Variants in BRCA1 observed in about 807,000 individuals in gnomAD.
The protein encoded by BRCA1 is BRCA1 DNA repair associated.
A neutral mutation model predicts 173.7 loss-of-function variants in BRCA1; 140 were observed. That is an observed-to-expected ratio of 0.81 (90% CI 0.70 to 0.93). BRCA1 has a LOEUF of 0.93. Ranked by LOEUF, BRCA1 falls within the 40% of genes least tolerant of loss-of-function variation. The pLI is 0.00. For synonymous variants in BRCA1, 662 were observed against 756.0 expected (o/e 0.88, Z 2.04); for missense variants, 1,983 against 2,172.5 (o/e 0.91, Z 1.73).
chr17:43,115,485 G>C (rs1335888284), intron 3 of BRCA1, among the ~76,000 whole-genome samples: 1 of 146,844 alleles, frequency 6.8e-6, no homozygotes, highest in Non-Finnish European at 1.5e-5. Flanking sequence ...CTGGGCGACA[G>C]AGCGAGACTT....
Position 43,136,726 on chromosome 17 carries a change from C to A in BRCA1, c.-19-12611G>T, listed in dbSNP as rs980339472. 2.1e-4 allele frequency among the ~76,000 whole-genome samples: 32 copies of A among 152,112 alleles called. 1 individual carries two copies. The highest frequency in any genetic ancestry group is 7.7e-4 in the African/African-American group (32 of 41,414). On this transcript the variant is annotated intron_variant, in intron 1 of 7. Coordinates refer to the BRCA1 transcript ENST00000634433. ...CCATCAGAGACATGCAAATCAAAACCACAATGAGATACCATCTCACACCAG... is the reference window on the plus strand; with the variant it reads ...CCATCAGAGACATGCAAATCAAAACAACAATGAGATACCATCTCACACCAG...
At chr17:43,094,902 T>G (rs1456087761) in intron 9 of BRCA1, 42 bp from the exon 10 acceptor site, 3 of 1,544,050 alleles carry the variant, frequency 1.9e-6, no homozygotes, top group Middle Eastern at 1.7e-4. Flanking sequence ...AAAACTGAAT[T>G]GTCATTAAAA....
chr17:43,046,727 C>T (rs1370094757), intron 22 of BRCA1, among the ~76,000 whole-genome samples: 2 of 150,100 alleles, frequency 1.3e-5, no homozygotes, highest in East Asian at 4.0e-4. Flanking sequence ...TGCACTCCAG[C>T]CTGCTAAGTG....
intron 1 of BRCA1, among the ~76,000 whole-genome samples, chr17:43,155,214 G>A (rs2056189273): frequency 6.6e-6 from 1 of 151,968 alleles, no homozygotes; most frequent in South Asian, 2.1e-4. Flanking sequence ...CTGTCACCCA[G>A]GCTGGAGTGC....
chr17:43,162,769 C>G (rs2056244428), intron 1 of BRCA1: 1 of 152,146 alleles, frequency 6.6e-6, no homozygotes, highest in South Asian at 2.1e-4. Flanking sequence ...GTGGACCAGT[C>G]AGCTTCTGGG....
intron 21 of BRCA1, among the ~76,000 whole-genome samples, chr17:43,048,643 T>C (rs2051046141): frequency 6.6e-6 from 1 of 151,206 alleles, no homozygotes. Flanking sequence ...ACTTCCCAAA[T>C]AGCTGGCATT....
chr17:43,103,199 G>A (rs2054567815), intron 6 of BRCA1, among the ~76,000 whole-genome samples: 1 of 152,202 alleles, frequency 6.6e-6, no homozygotes, highest in African/African-American at 2.4e-5. Flanking sequence ...GGGCTTGGTG[G>A]CTCACGCCTG....
At chr17:43,064,825 G>A (rs1215279195) in intron 16 of BRCA1, among the ~76,000 whole-genome samples, 2 of 135,224 alleles carry the variant, frequency 1.5e-5, no homozygotes, top group African/African-American at 5.6e-5. Flanking sequence ...GATTTGATTT[G>A]CATTTTTTTT....
chr17:43,133,169 T>A (rs1205859285), intron 1 of BRCA1: 1 of 152,206 alleles, frequency 6.6e-6, no homozygotes, highest in Admixed American at 6.5e-5. Context: ...CAGGTGCCTA[T>A]GTGGGTTCCT....
chr17:43,167,925 C>CT (rs1158074093), intron 1 of BRCA1: 1 of 164,186 alleles, frequency 6.1e-6, no homozygotes, highest in Non-Finnish European at 1.3e-5. Flanking sequence ...GACAGGGTCC[C>CT]TGTCTTTCAG....
intron 6 of BRCA1, among the ~76,000 whole-genome samples, chr17:43,100,927 C>T (rs1161222995): frequency 4.0e-5 from 6 of 150,624 alleles, no homozygotes; most frequent in South Asian, 2.1e-4. Context: ...AGACAGGTTT[C>T]GCCATGTTGG....
At chr17:43,114,974 T>G (rs1265944238) in intron 3 of BRCA1, among the ~76,000 whole-genome samples, 1 of 152,172 alleles carries the variant, frequency 6.6e-6, no homozygotes, top group Non-Finnish European at 1.5e-5. Context: ...ATAAATGAAT[T>G]TTGGCCTAAA....
At chr17:43,071,913 C>T (rs1180483266) in intron 14 of BRCA1, among the ~76,000 whole-genome samples, 1 of 151,302 alleles carries the variant, frequency 6.6e-6, no homozygotes. Context: ...GAGGCTGAGG[C>T]AGGGGAATGG....
chr17:43,094,569 C>T lies in BRCA1; in HGVS notation c.962G>A (p.Trp321Ter), dbSNP rs80357292. ...PGLARSQHNR[W>*]AGSKETCNDR... The stretch of plus-strand genomic sequence containing the variant: ...ATTACATGTTTCCTTACTTCCAGCC[C>T]ATCTGTTATGTTGGCTCCTTGCTAA... Residue 321 changes from tryptophan to a stop codon, truncating the protein, a stop_gained, in exon 10 of 23, where the codon TGG (tryptophan) becomes TAG (stop). Transcript: ENST00000357654. LOFTEE classifies it high-confidence loss of function. 1.9e-6 allele frequency: 3 copies of T among 1,614,130 alleles called. No individual in the cohort carries two copies. Among genetic ancestry groups the T allele is most frequent in the Non-Finnish European group, 1.7e-6 (2 of 1,180,018 alleles).
intron 3 of BRCA1, chr17:43,110,346 G>A (rs568477212): frequency 1.9e-5 from 4 of 208,644 alleles, no homozygotes; most frequent in Middle Eastern, 2.0e-3. Context: ...TAGCACTTTG[G>A]GATGCCTAGG....
Position 43,094,148 on chromosome 17 carries a change from A to T in BRCA1, c.1383T>A (p.Phe461Leu), listed in dbSNP as rs56046357. The change falls in exon 10 of 23, where the codon TTT (phenylalanine) becomes TTA (leucine). Residue 461 changes from phenylalanine to leucine, a missense_variant. Coordinates refer to ENST00000357654, the MANE Select transcript of BRCA1 (RefSeq NM_007294.4). Reference sequence around the variant, plus strand: ...TTGCCTTCTTCCGATAGGTTTTCCCAAATATTTTGTCTTCAATATTACTCT... The same window carrying T: ...TTGCCTTCTTCCGATAGGTTTTCCCTAATATTTTGTCTTCAATATTACTCT... ...SVESNIEDKI[F>L]GKTYRKKASL... 7 of 1,613,932 alleles carry T rather than the reference A, an allele frequency of 4.3e-6. No homozygotes were observed. Among genetic ancestry groups the T allele is most frequent in the Non-Finnish European group, 5.9e-6 (7 of 1,180,008 alleles).
chr17:43,123,907 A>T, intron 2 of BRCA1, 110 bp downstream of exon 2: 2 of 858,424 alleles, frequency 2.3e-6, no homozygotes, highest in East Asian at 5.1e-5. Flanking sequence ...ACAATAGCCT[A>T]ATCTTACTAG....
intron 1 of BRCA1, among the ~76,000 whole-genome samples, chr17:43,135,704 C>A (rs112256131): frequency 0.11 from 16,164 of 152,240 alleles, 2,661 homozygotes; most frequent in African/African-American, 0.35. Flanking sequence ...ACCGATTCCA[C>A]TTCTGCTTCA....
intron 19 of BRCA1, among the ~76,000 whole-genome samples, chr17:43,052,475 C>T (rs2051281970): frequency 6.6e-6 from 1 of 151,972 alleles, no homozygotes; most frequent in Non-Finnish European, 1.5e-5. Flanking sequence ...TAAACAGTCC[C>T]ATGTGGCTGG....
Sources: allele counts gnomAD v4.1 joint callset (sites outside exome capture counted in the v4.1 genomes callset), GRCh38; gene constraint gnomAD v4.1.1; transcripts MANE v1.5; gene names NCBI Gene and HGNC (gene_info 2026-07-23, HGNC 2026-07-21).